PRKCE: variants seen among roughly 807,000 people sequenced by gnomAD.
The protein encoded by PRKCE is protein kinase C epsilon, also known as protein kinase C epsilon type.
In PRKCE, 16 loss-of-function variants were observed where a neutral mutation model predicts 85.4. That is an observed-to-expected ratio of 0.19 (90% CI 0.13 to 0.28). PRKCE has a LOEUF of 0.28. PRKCE is among the 10% of genes least tolerant of loss of function. The probability of loss-of-function intolerance (pLI) is 1.00; values close to 1 mark genes in which losing one functional copy is unlikely to be tolerated. For missense variants in PRKCE, 573 were observed against 975.2 expected, an observed-to-expected ratio of 0.59 and a Z score of 5.49; for synonymous variants, 388 against 371.5, an observed-to-expected ratio of 1.04 and a Z score of -0.51.
chr2:45,730,013 G>A (rs759446080), intron 1 of PRKCE, among the ~76,000 whole-genome samples: 32 of 152,212 alleles, frequency 2.1e-4, no homozygotes, highest in Non-Finnish European at 3.5e-4. Context: ...TGACAAGAAT[G>A]GATGTTTTGA....
intron 10 of PRKCE, among the ~76,000 whole-genome samples, chr2:46,011,691 C>T (rs1370805210): frequency 6.6e-6 from 1 of 152,144 alleles, no homozygotes; most frequent in East Asian, 1.9e-4. Context: ...TTGAGGAGAC[C>T]TGCAATGAAA....
chr2:45,832,970 G>C (rs1690558772), intron 1 of PRKCE, among the ~76,000 whole-genome samples: 1 of 151,966 alleles, frequency 6.6e-6, no homozygotes, highest in Non-Finnish European at 1.5e-5. Context: ...CTCTTTTGAA[G>C]AACTCAGAAA....
intron 11 of PRKCE, among the ~76,000 whole-genome samples, chr2:46,133,971 C>A (rs1674711922): frequency 6.6e-6 from 1 of 152,176 alleles, no homozygotes; most frequent in African/African-American, 2.4e-5. Flanking sequence ...GACCTCACAA[C>A]AAGAGGGTGT....
chr2:45,982,178 G>T (rs1458140239), intron 5 of PRKCE, among the ~76,000 whole-genome samples: 1 of 152,236 alleles, frequency 6.6e-6, no homozygotes, highest in Non-Finnish European at 1.5e-5. Flanking sequence ...CCAGAGGCCA[G>T]TCTCCCTTAG....
intron 1 of PRKCE, among the ~76,000 whole-genome samples, chr2:45,709,487 T>C (rs1679419825): frequency 1.3e-5 from 2 of 152,360 alleles, no homozygotes; most frequent in South Asian, 4.1e-4. Context: ...GTGGACTAGA[T>C]GATCATGGAT....
intron 10 of PRKCE, among the ~76,000 whole-genome samples, chr2:46,084,792 C>T (rs1335858676): frequency 6.6e-6 from 1 of 151,718 alleles, no homozygotes; most frequent in Non-Finnish European, 1.5e-5. Context: ...ACTTCGCTAA[C>T]CTTCCTCTAC....
intron 2 of PRKCE, among the ~76,000 whole-genome samples, chr2:45,856,636 A>G (rs1412784162): frequency 6.6e-6 from 1 of 152,202 alleles, no homozygotes; most frequent in Non-Finnish European, 1.5e-5. Flanking sequence ...GTATAATAGA[A>G]CAGGAAAACT....
chr2:46,153,892 T>C (rs577741073), intron 13 of PRKCE, among the ~76,000 whole-genome samples: 39 of 151,454 alleles, frequency 2.6e-4, no homozygotes, highest in South Asian at 1.9e-3. Flanking sequence ...GTTCAAGAGA[T>C]TCTCCTGCCT....
intron 1 of PRKCE, among the ~76,000 whole-genome samples, chr2:45,792,527 G>C (rs1005265420): frequency 6.6e-6 from 1 of 152,094 alleles, no homozygotes; most frequent in Non-Finnish European, 1.5e-5. Context: ...CTATCAGCTT[G>C]TTCTGGTGGC....
At chr2:45,800,353 A>G (rs574080197) in intron 1 of PRKCE, among the ~76,000 whole-genome samples, 16 of 150,752 alleles carry the variant, frequency 1.1e-4, no homozygotes, top group South Asian at 2.1e-4. Flanking sequence ...CCTTCCATAA[A>G]GCCTCATGCT....
chr2:45,789,408 G>A (rs1686861626), intron 1 of PRKCE, among the ~76,000 whole-genome samples: 1 of 152,192 alleles, frequency 6.6e-6, no homozygotes, highest in Admixed American at 6.5e-5. Flanking sequence ...TTTGACAAAA[G>A]CCTAGGACCA....
chr2:45,734,420 C>A (rs551951871), intron 1 of PRKCE, among the ~76,000 whole-genome samples: 69 of 152,096 alleles, frequency 4.5e-4, no homozygotes, highest in African/African-American at 1.6e-3. Context: ...ATAGTTGAGC[C>A]TGATTTTACG....
At chr2:45,877,990 T>G (rs1308524809) in intron 2 of PRKCE, among the ~76,000 whole-genome samples, 1 of 152,230 alleles carries the variant, frequency 6.6e-6, no homozygotes, top group Non-Finnish European at 1.5e-5. Flanking sequence ...CTTCCTCAGT[T>G]CCTGTTTCTT....
Position 45,748,555 on chromosome 2 carries a change from A to T in PRKCE, c.349-94445A>T, listed in dbSNP as rs547032907. On this transcript the variant is annotated intron_variant, in intron 1 of 14. Transcript: ENST00000306156. ...TTCTGCACGTTTAGATCTCGGTATG[A>T]CTCAAATACCTAATGTCCCTTTACC... is the stretch of plus-strand genomic sequence containing the variant. Among the ~76,000 whole-genome samples, 18 of 150,634 alleles carry T rather than the reference A, an allele frequency of 1.2e-4. 1 individual carries two copies. The East Asian group carries it at 2.2e-3, about 18-fold the overall frequency.
intron 11 of PRKCE, among the ~76,000 whole-genome samples, chr2:46,104,759 A>G (rs1671558701): frequency 6.6e-6 from 1 of 152,164 alleles, no homozygotes; most frequent in African/African-American, 2.4e-5. Context: ...TTCAGGGACA[A>G]TGAAACCAAT....
intron 2 of PRKCE, among the ~76,000 whole-genome samples, chr2:45,914,282 A>G (rs529498312): frequency 6.6e-6 from 1 of 152,372 alleles, no homozygotes; most frequent in East Asian, 1.9e-4. Flanking sequence ...AGAATAGCTA[A>G]TAAGATGGGT....
intron 1 of PRKCE, among the ~76,000 whole-genome samples, chr2:45,737,576 G>T (rs926112373): frequency 6.6e-6 from 1 of 152,028 alleles, no homozygotes; most frequent in African/African-American, 2.4e-5. Flanking sequence ...CTCTTTCCAG[G>T]TGTATCCTCT....
At chr2:45,817,261 G>A (rs779982391) in intron 1 of PRKCE, among the ~76,000 whole-genome samples, 8 of 152,108 alleles carry the variant, frequency 5.3e-5, no homozygotes, top group Non-Finnish European at 1.0e-4. Context: ...AGTTTATCAA[G>A]TACCAACTTT....
At chr2:45,760,598 G>T (rs1395210007) in intron 1 of PRKCE, among the ~76,000 whole-genome samples, 1 of 152,176 alleles carries the variant, frequency 6.6e-6, no homozygotes, top group Non-Finnish European at 1.5e-5. Flanking sequence ...TGGCTAAGCT[G>T]GCAAGGTCCA....
Sources: gnomAD v4.1 joint callset for allele counts (sites outside exome capture counted in the v4.1 genomes callset) on GRCh38, gnomAD v4.1.1 for gene constraint, MANE v1.5 for transcripts, NCBI Gene and HGNC (gene_info 2026-07-23, HGNC 2026-07-21) for gene names.